RALA: variants seen among roughly 807,000 people sequenced by gnomAD.
RALA encodes ras-related protein Ral-A.
RALA carries 5 observed loss-of-function variants against 24.0 expected under a neutral mutation model. That is an observed-to-expected ratio of 0.21 (90% CI 0.11 to 0.44). The LOEUF is 0.44. RALA is among the 20% of genes least tolerant of loss of function. RALA has a pLI of 0.99. For missense variants in RALA, 95 were observed against 241.2 expected (o/e 0.39, Z 4.01); for synonymous variants, 77 against 83.8 (o/e 0.92, Z 0.44).
chr7:39,629,714 G>T (rs1791557795), intron 1 of RALA, among the ~76,000 whole-genome samples: 1 of 152,236 alleles, frequency 6.6e-6, no homozygotes, highest in Non-Finnish European at 1.5e-5. Context: ...TCCTGCCTCA[G>T]CCTCCCGAGT....
intron 1 of RALA, among the ~76,000 whole-genome samples, chr7:39,680,410 A>G (rs1366391157): frequency 2.0e-5 from 3 of 150,074 alleles, no homozygotes; most frequent in African/African-American, 2.4e-5. Context: ...ACACAAATAT[A>G]TATATATATA....
intron 4 of RALA, among the ~76,000 whole-genome samples, chr7:39,699,820 C>G (rs942364907): frequency 2.0e-5 from 3 of 152,174 alleles, no homozygotes; most frequent in African/African-American, 7.2e-5. Flanking sequence ...CTGTAAATAC[C>G]CTTGTGAACT....
At chr7:39,688,838 T>G (rs184491119) in intron 2 of RALA, among the ~76,000 whole-genome samples, 6 of 152,228 alleles carry the variant, frequency 3.9e-5, no homozygotes, top group Admixed American at 3.3e-4. Context: ...TAAAAGAGAT[T>G]TAATTGACTC....
chr7:39,685,505 G>T (rs1792682581), intron 1 of RALA, among the ~76,000 whole-genome samples: 1 of 152,050 alleles, frequency 6.6e-6, no homozygotes, highest in African/African-American at 2.4e-5. Flanking sequence ...TCTTTGCTTG[G>T]ATCTCCACAC....
intron 1 of RALA, among the ~76,000 whole-genome samples, chr7:39,676,350 C>T (rs981734865): frequency 1.3e-4 from 20 of 152,302 alleles, no homozygotes; most frequent in African/African-American, 4.6e-4. Flanking sequence ...TTAAAAAGGA[C>T]TCTCACAACT....
intron 1 of RALA, among the ~76,000 whole-genome samples, chr7:39,671,691 C>G (rs1287988454): frequency 1.3e-5 from 2 of 152,126 alleles, no homozygotes. Context: ...TTTTATTTTG[C>G]AGACAAGGCA....
intron 1 of RALA, among the ~76,000 whole-genome samples, chr7:39,674,606 T>C (rs556411139): frequency 2.2e-4 from 33 of 152,328 alleles, no homozygotes; most frequent in Non-Finnish European, 4.3e-4. Context: ...ATTTGGAAGC[T>C]TTCCCTGTGC....
intron 4 of RALA, chr7:39,697,447 G>A (rs1288635560): frequency 6.6e-6 from 3 of 456,556 alleles, no homozygotes; most frequent in South Asian, 1.5e-5. Flanking sequence ...ACACCTGCAA[G>A]TACATTTCAT....
intron 2 of RALA, among the ~76,000 whole-genome samples, chr7:39,690,044 T>C (rs914250566): frequency 2.6e-4 from 40 of 152,284 alleles, no homozygotes; most frequent in African/African-American, 9.6e-4. Flanking sequence ...AGCATGAAAA[T>C]TTATATTCAG....
intron 4 of RALA, among the ~76,000 whole-genome samples, chr7:39,705,826 A>G (rs968601037): frequency 6.6e-6 from 1 of 152,022 alleles, no homozygotes; most frequent in Non-Finnish European, 1.5e-5. Context: ...TGGGTCTGTC[A>G]TCACCTTATA....
chr7:39,631,566 A>C (rs187686149), intron 1 of RALA, among the ~76,000 whole-genome samples: 1 of 152,170 alleles, frequency 6.6e-6, no homozygotes, highest in Non-Finnish European at 1.5e-5. Context: ...CTTAACCTAA[A>C]ACAAACAATG....
chr7:39,665,445 A>C (rs913251937), intron 1 of RALA, among the ~76,000 whole-genome samples: 17 of 152,154 alleles, frequency 1.1e-4, no homozygotes, highest in African/African-American at 3.9e-4. Flanking sequence ...ATTTGTAGTT[A>C]AGTTTTGGGG....
intron 1 of RALA, among the ~76,000 whole-genome samples, chr7:39,681,041 G>T (rs1288293863): frequency 6.6e-6 from 1 of 152,108 alleles, no homozygotes; most frequent in East Asian, 1.9e-4. Context: ...CCCTGCTCCT[G>T]TTATGTTCCA....
chr7:39,699,410 G>A (rs1256722218), intron 4 of RALA, among the ~76,000 whole-genome samples: 2 of 152,050 alleles, frequency 1.3e-5, no homozygotes, highest in Non-Finnish European at 2.9e-5. Context: ...AAAGTGCTGG[G>A]ATTACAGGCG....
chr7:39,641,193 G>T (rs1791810063), intron 1 of RALA, among the ~76,000 whole-genome samples: 1 of 152,108 alleles, frequency 6.6e-6, no homozygotes. Flanking sequence ...CTTTGTGGGT[G>T]TTATATCATT....
intron 4 of RALA, among the ~76,000 whole-genome samples, chr7:39,704,613 T>C (rs11770964): frequency 0.42 from 64,494 of 151,918 alleles, 14,364 homozygotes; most frequent in Non-Finnish European, 0.48. Context: ...CCACCACGCC[T>C]GGCCAGTCTT....
intron 1 of RALA, among the ~76,000 whole-genome samples, chr7:39,679,049 A>C (rs778406305): frequency 6.7e-6 from 1 of 149,058 alleles, no homozygotes; most frequent in Non-Finnish European, 1.5e-5. Context: ...AATGCATAGC[A>C]TATGGGATAT....
chr7:39,683,819 ACTG>A (rs1362898738), intron 1 of RALA, among the ~76,000 whole-genome samples: 2 of 149,440 alleles, frequency 1.3e-5, no homozygotes, highest in African/African-American at 2.5e-5. Context: ...AGTTGTAGTG[ACTG>A]CTAAGTGTTT....
At chr7:39,649,545 C>T (rs1049075439) in intron 1 of RALA, among the ~76,000 whole-genome samples, 8 of 152,184 alleles carry the variant, frequency 5.3e-5, no homozygotes, top group African/African-American at 1.9e-4. Flanking sequence ...CTAGTGAGGA[C>T]ACAGCATTCG....
Sources: allele counts gnomAD v4.1 joint callset (sites outside exome capture counted in the v4.1 genomes callset), GRCh38; gene constraint gnomAD v4.1.1; transcripts MANE v1.5; gene names NCBI Gene and HGNC (gene_info 2026-07-23, HGNC 2026-07-21).